The following ZNF141 variants were observed in gnomAD, a reference collection of about 807,000 sequenced individuals.
ZNF141 encodes the protein zinc finger protein 141 (clone pHZ-44).
A neutral mutation model predicts 11.3 loss-of-function variants in ZNF141; 7 were observed. The observed-to-expected ratio is 0.62, with a 90% CI of 0.35 to 1.16. The LOEUF is 1.16. Among genes scored for constraint, ZNF141 ranks in the 50% most tolerant of loss-of-function variants. ZNF141 has a pLI of 0.02. For missense variants in ZNF141, 535 were observed against 554.0 expected (o/e 0.97, Z 0.34); for synonymous variants, 183 against 190.7 (o/e 0.96, Z 0.33).
At chr4:370,949 G>A (rs1337661470) in intron 3 of ZNF141, among the ~76,000 whole-genome samples, 1 of 151,540 alleles carries the variant, frequency 6.6e-6, no homozygotes, top group Non-Finnish European at 1.5e-5. Context: ...AGCCAGGATG[G>A]TCTCACTCTC....
At position 373,636 on chromosome 4, in the gene ZNF141, G is replaced by A; in HGVS notation, c.1199G>A (p.Cys400Tyr). The change falls in exon 4 of 4, where the codon TGT (cysteine) becomes TAT (tyrosine). Residue 400 changes from cysteine to tyrosine, a missense_variant. Cys to Tyr is a radical substitution (Grantham distance 194, BLOSUM62 -2). Transcript: ENST00000240499. ...TGEKPYKCEE[C>Y]GKAFRRSTDR... ...GAGAAACCCTACAAATGTGAAGAAT[G>A]TGGCAAAGCCTTTAGACGGTCCACA... 5 of 1,614,156 alleles carry A rather than the reference G, an allele frequency of 3.1e-6. No homozygotes were observed. The highest frequency in any genetic ancestry group is 4.2e-6 in the Non-Finnish European group (5 of 1,180,012).
intron 3 of ZNF141, among the ~76,000 whole-genome samples, chr4:365,143 G>A (rs56733551): frequency 0.18 from 26,893 of 152,204 alleles, 2,977 homozygotes; most frequent in Non-Finnish European, 0.23. Flanking sequence ...CAAGCCAGGC[G>A]TGGGATATAA....
At chr4:370,475 G>A (rs1423472544) in intron 3 of ZNF141, among the ~76,000 whole-genome samples, 9 of 151,662 alleles carry the variant, frequency 5.9e-5, no homozygotes, top group African/African-American at 1.2e-4. Flanking sequence ...TTCATTTTTA[G>A]GACTGTTTTA....
chr4:341,963 G>T lies in ZNF141; in HGVS notation c.4-1819G>T, dbSNP rs553951567. Among the ~76,000 whole-genome samples the T allele has an allele frequency of 2.0e-5, 3 of 152,270 alleles. No homozygotes were observed. In the East Asian group the frequency reaches 5.8e-4, roughly 29 times the overall value. On this transcript the variant is annotated intron_variant, in intron 1 of 3. Transcript: ENST00000240499. The stretch of plus-strand genomic sequence containing the variant: ...CAGTTTCAGTGGCTTTTTCTTACAA[G>T]TCTCAAAGTAAATACAAACACAAAA...
chr4:361,388 T>G (rs76633695), intron 3 of ZNF141, among the ~76,000 whole-genome samples: 1 of 90,474 alleles, frequency 1.1e-5, no homozygotes, highest in African/African-American at 3.2e-5. Context: ...TATCTTTCTG[T>G]TTTTTTTTTT....
At chr4:365,171 T>G (rs1399290032) in intron 3 of ZNF141, among the ~76,000 whole-genome samples, 1 of 152,208 alleles carries the variant, frequency 6.6e-6, no homozygotes, top group Admixed American at 6.5e-5. Context: ...GTGTGCCGTT[T>G]GCTAAGACCA....
chr4:373,620 T>A lies in ZNF141; in HGVS notation c.1183T>A (p.Tyr395Asn), dbSNP rs1553854064. 6.2e-7 allele frequency: 1 copy of A among 1,614,130 alleles called. No homozygotes were observed. Among genetic ancestry groups the A allele is most frequent in the Admixed American group, 1.7e-5 (1 of 60,018 alleles). ...AAAAATTCATACTGGAGAGAAACCC[T>A]ACAAATGTGAAGAATGTGGCAAAGC... The part of the protein sequence containing the change: ...HKKIHTGEKP[Y>N]KCEECGKAFR... The change falls in exon 4 of 4, where the codon TAC becomes AAC. Residue 395 changes from tyrosine (Y) to asparagine (N), a missense_variant. By Grantham distance (143) the Tyr-to-Asn change is moderately radical. Coordinates refer to ENST00000240499, the MANE Select transcript of ZNF141 (RefSeq NM_003441.4).
intron 3 of ZNF141, among the ~76,000 whole-genome samples, chr4:367,795 C>T (rs558167576): frequency 3.3e-5 from 5 of 152,166 alleles, no homozygotes; most frequent in East Asian, 1.9e-4. Context: ...GATTACACCG[C>T]GCCCAGCCAA....
chr4:342,058 T>G (rs773769323), intron 1 of ZNF141, among the ~76,000 whole-genome samples: 10 of 152,212 alleles, frequency 6.6e-5, no homozygotes, highest in Non-Finnish European at 4.4e-5. Flanking sequence ...TATTTAGCTA[T>G]TATTCTATAC....
In ZNF141 at chr4:373,263, A is replaced by G. The variant is rs1581627591; in HGVS notation, c.826A>G (p.Ile276Val). The stretch of plus-strand genomic sequence containing the variant: ...CACAACCCTTACTAAACATAAGAGA[A>G]TTCATGCTGGAGAGAAACCCATCAC... ...RFTTLTKHKR[I>V]HAGEKPITCE... The change falls in exon 4 of 4, where the codon ATT becomes GTT. Residue 276 changes from isoleucine to valine, a missense_variant. By Grantham distance (29) the Ile-to-Val change is conservative (BLOSUM62 3). Transcript: ENST00000240499. The G allele has an allele frequency of 3.1e-6, 5 of 1,614,058 alleles. No individual in the cohort carries two copies. Among genetic ancestry groups the G allele is most frequent in the Non-Finnish European group, 2.5e-6 (3 of 1,179,990 alleles).
At chr4:348,569 G>A (rs1271067959) in intron 3 of ZNF141, among the ~76,000 whole-genome samples, 2 of 151,966 alleles carry the variant, frequency 1.3e-5, no homozygotes, top group African/African-American at 4.8e-5. Flanking sequence ...ACAAAAACTA[G>A]CTAGGGGTGG....
At chr4:355,498 GC>G (rs1282393450) in intron 3 of ZNF141, among the ~76,000 whole-genome samples, 1 of 152,102 alleles carries the variant, frequency 6.6e-6, no homozygotes, top group Admixed American at 6.6e-5. Flanking sequence ...GAGCCATCGT[GC>G]CCAGCTATGA....
chr4:365,120 G>A (rs542109441), intron 3 of ZNF141, among the ~76,000 whole-genome samples: 23 of 152,236 alleles, frequency 1.5e-4, no homozygotes, highest in Middle Eastern at 3.2e-3. Flanking sequence ...GGCTCTGTGG[G>A]TGTGGGACCT....
At chr4:343,444 G>T (rs569974754) in intron 1 of ZNF141, among the ~76,000 whole-genome samples, 29 of 151,994 alleles carry the variant, frequency 1.9e-4, no homozygotes, top group Admixed American at 9.8e-4. Flanking sequence ...ATGTCCCTTC[G>T]GCTGGGCGCA....
chr4:368,951 A>G (rs1553853190), intron 3 of ZNF141, among the ~76,000 whole-genome samples: 2 of 152,348 alleles, frequency 1.3e-5, no homozygotes, highest in East Asian at 3.9e-4. Flanking sequence ...TGGAGATTGC[A>G]TTAAGGAATT....
chr4:373,410 A>T lies in ZNF141; in HGVS notation c.973A>T (p.Thr325Ser), dbSNP rs114931928. 1 of 1,611,324 alleles carries T rather than the reference A, an allele frequency of 6.2e-7. No homozygotes were observed. The highest frequency in any genetic ancestry group is 8.5e-7 in the Non-Finnish European group (1 of 1,179,298). Residue 325 changes from threonine to serine, a missense_variant, in exon 4 of 4, where the codon ACC becomes TCC. Coordinates refer to ENST00000240499, the MANE Select transcript of ZNF141 (RefSeq NM_003441.4). ...TGGCAAAGCCTTTAATAGGTCCACA[A>T]CCCTTACTAAACATAAGAGAATTCA... ...ECGKAFNRST[T>S]LTKHKRIHTG... is the part of the protein sequence containing the mutation.
In ZNF141 at chr4:380,837, C is replaced by T. The variant is rs1712579588; in HGVS notation, c.*6975C>T. Among the ~76,000 whole-genome samples, 1 of 152,070 alleles carries T rather than the reference C, an allele frequency of 6.6e-6. No homozygotes were observed. The highest frequency in any genetic ancestry group is 2.1e-4 in the South Asian group (1 of 4,826). On this transcript the variant is annotated 3_prime_UTR_variant, in exon 4 of 4. Transcript: ENST00000240499. ...CTTCAGACACAAAATACATGATTAT[C>T]TTAAACACATTCTTAATAAAAATTT... is the stretch of plus-strand genomic sequence containing the variant.
intron 3 of ZNF141, among the ~76,000 whole-genome samples, chr4:357,403 A>G (rs1419520415): frequency 3.3e-5 from 5 of 150,258 alleles, no homozygotes; most frequent in African/African-American, 9.8e-5. Flanking sequence ...TGAGTGATAG[A>G]GTGAGACTCT....
In ZNF141 at chr4:382,267, G is replaced by T. The variant is rs1712659984; in HGVS notation, c.*8405G>T. 6.6e-6 allele frequency among the ~76,000 whole-genome samples: 1 copy of T among 152,060 alleles called. No homozygotes were observed. The highest frequency in any genetic ancestry group is 6.6e-5 in the Admixed American group (1 of 15,262). ...GGCCTTAGTTGTGTGTGATTTCTAT[G>T]TGTGCTCTAGGCACTTGCCCTATAG... On this transcript the variant is annotated 3_prime_UTR_variant, in exon 4 of 4. Coordinates refer to ENST00000240499, the MANE Select transcript of ZNF141 (RefSeq NM_003441.4).
Sources: gnomAD v4.1 joint callset for allele counts (sites outside exome capture counted in the v4.1 genomes callset) on GRCh38, gnomAD v4.1.1 for gene constraint, MANE v1.5 for transcripts, NCBI Gene and HGNC (gene_info 2026-07-23, HGNC 2026-07-21) for gene names.